COLEC10: variants seen among roughly 807,000 people sequenced by gnomAD.
COLEC10 encodes collectin-10.
Under a neutral mutation model 28.4 loss-of-function variants are expected in COLEC10, and 22 were observed. That is an observed-to-expected ratio of 0.78 (90% confidence interval 0.55 to 1.11). The LOEUF (loss-of-function observed/expected upper bound fraction) is 1.11. COLEC10 is among the 50% of genes least tolerant of loss of function. The probability of loss-of-function intolerance (pLI) is 0.00; values close to 1 mark genes in which losing one functional copy is unlikely to be tolerated. For missense variants in COLEC10, 361 were observed against 344.1 expected (o/e 1.05, Z -0.39); for synonymous variants, 125 against 116.1 (o/e 1.08, Z -0.49).
chr8:119,016,539 C>T (rs1029855948), intron 2 of COLEC10, among the ~76,000 whole-genome samples: 1 of 151,934 alleles, frequency 6.6e-6, no homozygotes, highest in African/African-American at 2.4e-5. Context: ...TGAGTATATA[C>T]CCAGTAATGG....
chr8:119,043,848 A>C (rs1259767747), intron 2 of COLEC10, among the ~76,000 whole-genome samples: 1 of 152,232 alleles, frequency 6.6e-6, no homozygotes, highest in Non-Finnish European at 1.5e-5. Flanking sequence ...AGTCCAGGAG[A>C]GGACAATGAC....
At chr8:118,988,905 C>T in the COLEC10 span, among the ~76,000 whole-genome samples, 1 of 152,178 alleles carries the variant, frequency 6.6e-6, no homozygotes, top group African/African-American at 2.4e-5. Flanking sequence ...GTTTTTATTA[C>T]CCAATACAAT....
rs1814306075 is a variant in COLEC10 at position 119,032,466 on chromosome 8, A to G, written n.235+22913A>G. On this transcript the variant is annotated intron_variant and non_coding_transcript_variant, in intron 2 of 6. Transcript: ENST00000521788. The stretch of plus-strand genomic sequence containing the variant: ...GTGTGATCTTTGGTTCAATTCATAT[A>G]TTCGTTAAAGGCCCACTGGAAATTC... Among the ~76,000 whole-genome samples the G allele has an allele frequency of 2.0e-5, 3 of 152,292 alleles. No homozygotes were observed. The South Asian group carries it at 6.2e-4, about 32-fold the overall frequency.
At chr8:119,078,636 A>G (rs987335443) in intron 1 of COLEC10, among the ~76,000 whole-genome samples, 8 of 152,180 alleles carry the variant, frequency 5.3e-5, no homozygotes, top group Non-Finnish European at 8.8e-5. Context: ...TTATTTTTCT[A>G]GAAAAACTAA....
intron 2 of COLEC10, among the ~76,000 whole-genome samples, chr8:119,054,263 C>G (rs1481963346): frequency 6.6e-6 from 1 of 152,054 alleles, no homozygotes; most frequent in Non-Finnish European, 1.5e-5. Context: ...CTGGAATTTT[C>G]CATTTAATAT....
chr8:119,104,798 T>C (rs956234778), intron 5 of COLEC10, among the ~76,000 whole-genome samples: 1 of 152,188 alleles, frequency 6.6e-6, no homozygotes, highest in Non-Finnish European at 1.5e-5. Context: ...CTGTCTCTGA[T>C]ATGACTTAGA....
chr8:118,963,853 C>G, the COLEC10 span, among the ~76,000 whole-genome samples: 1 of 152,080 alleles, frequency 6.6e-6, no homozygotes. Context: ...TGGATAGATA[C>G]AGAGTGCCTA....
the COLEC10 span, among the ~76,000 whole-genome samples, chr8:118,969,032 G>A: frequency 6.6e-6 from 1 of 151,986 alleles, no homozygotes; most frequent in Non-Finnish European, 1.5e-5. Context: ...TGAGTTAGAG[G>A]CATTATCCTG....
At chr8:118,958,692 T>A in the COLEC10 span, among the ~76,000 whole-genome samples, 1 of 152,234 alleles carries the variant, frequency 6.6e-6, no homozygotes, top group East Asian at 1.9e-4. Flanking sequence ...ATGAGACCTT[T>A]CGCTGCTCAG....
chr8:119,008,833 C>T (rs1378041268), intron 1 of COLEC10, among the ~76,000 whole-genome samples: 1 of 151,022 alleles, frequency 6.6e-6, no homozygotes, highest in Non-Finnish European at 1.5e-5. Flanking sequence ...GGGGTAACTA[C>T]CCCCTCTTGA....
intron 1 of COLEC10, among the ~76,000 whole-genome samples, chr8:119,081,876 G>T (rs756008974): frequency 2.0e-5 from 3 of 152,192 alleles, no homozygotes; most frequent in African/African-American, 4.8e-5. Context: ...TAATTTGCAA[G>T]ATAGTTGGGA....
chr8:118,984,252 T>C, the COLEC10 span, among the ~76,000 whole-genome samples: 1 of 152,074 alleles, frequency 6.6e-6, no homozygotes, highest in Non-Finnish European at 1.5e-5. Context: ...AAATACTATA[T>C]GTTCTTACGT....
At chr8:119,029,591 G>A (rs1011535888) in intron 2 of COLEC10, among the ~76,000 whole-genome samples, 4 of 151,998 alleles carry the variant, frequency 2.6e-5, no homozygotes, top group East Asian at 3.9e-4. Flanking sequence ...GTTTTGCCTC[G>A]CAAAGGTGGG....
intron 1 of COLEC10, among the ~76,000 whole-genome samples, chr8:119,078,259 A>C (rs1815294933): frequency 6.6e-6 from 1 of 152,218 alleles, no homozygotes; most frequent in Non-Finnish European, 1.5e-5. Flanking sequence ...CATAATTTTC[A>C]TAGTTATTTT....
intron 3 of COLEC10, among the ~76,000 whole-genome samples, chr8:119,096,480 ACTTGGGAGC>A (rs1815720134): frequency 6.6e-6 from 1 of 152,164 alleles, no homozygotes; most frequent in South Asian, 2.1e-4. Flanking sequence ...AATCCCAGCT[ACTTGGGAGC>A]CTGAGGTGGG....
rs1362752319 is a variant in COLEC10 at position 119,107,839 on chromosome 8, A to T, written c.*1648A>T. 6.6e-6 allele frequency among the ~76,000 whole-genome samples: 1 copy of T among 152,212 alleles called. No homozygotes were observed. Among genetic ancestry groups the T allele is most frequent in the Non-Finnish European group, 1.5e-5 (1 of 68,034 alleles). ...AGAAGTCAGAAAGCTGGGACTTTGTAACATAAGCTCATATTTTAATATGTT... is the reference window on the plus strand; with the variant it reads ...AGAAGTCAGAAAGCTGGGACTTTGTTACATAAGCTCATATTTTAATATGTT... On this transcript the variant is annotated 3_prime_UTR_variant, in exon 6 of 6. Transcript: ENST00000332843.
intron 2 of COLEC10, among the ~76,000 whole-genome samples, chr8:119,053,813 CCTT>C (rs1814718370): frequency 6.6e-6 from 1 of 151,976 alleles, no homozygotes; most frequent in South Asian, 2.1e-4. Flanking sequence ...TACAGTATTC[CCTT>C]CTTTATCCAC....
intron 2 of COLEC10, among the ~76,000 whole-genome samples, chr8:119,039,749 C>A (rs1814459066): frequency 6.6e-6 from 1 of 152,114 alleles, no homozygotes; most frequent in Non-Finnish European, 1.5e-5. Context: ...GCTTGCATGT[C>A]CGTTTCTTCA....
upstream of COLEC10, chr8:119,067,143 C>A: frequency 2.6e-6 from 2 of 774,380 alleles, no homozygotes; most frequent in Non-Finnish European, 4.1e-6. Flanking sequence ...CTAGGGTATG[C>A]TTCCTTCCTG....
Sources: gnomAD v4.1 joint callset for allele counts (sites outside exome capture counted in the v4.1 genomes callset) on GRCh38, gnomAD v4.1.1 for gene constraint, MANE v1.5 for transcripts, NCBI Gene and HGNC (gene_info 2026-07-23, HGNC 2026-07-21) for gene names.